Variants in NCOA4 observed in about 807,000 individuals in gnomAD.
The protein encoded by NCOA4 is 70 kDa AR-activator.
NCOA4 carries 31 observed loss-of-function variants against 69.5 expected under a neutral mutation model. The observed-to-expected ratio is 0.45, with a 90% CI of 0.34 to 0.60. The LOEUF is 0.60. NCOA4 is among the 20% of genes least tolerant of loss of function. NCOA4 has a pLI of 0.02. For missense variants in NCOA4, 600 were observed against 719.2 expected (o/e 0.83, Z 1.90); for synonymous variants, 228 against 252.4 (o/e 0.90, Z 0.92).
rs1390125289 is a variant in NCOA4, at chr10:46,009,018, T to C, written c.1839+393A>G. The C allele has an allele frequency of 1.0e-4, 67 of 656,418 alleles. No individual in the cohort carries two copies. In the South Asian group the frequency reaches 1.2e-3, roughly 12 times the overall value. The allele number at this position is 656,418 out of a possible 1,614,324, so 40.7% of individuals were successfully genotyped here. A position where few individuals can be genotyped will look rare whatever the true frequency, so the allele number is the denominator to read the frequency against. ...CATAATGTTATTGCAGACTTAACTA[T>C]AGTGTATTATATACAACTTTTATAT... is the stretch of plus-strand genomic sequence containing the variant. On this transcript the variant is annotated intron_variant, in intron 9 of 9. Transcript: ENST00000581486.
intron 1 of NCOA4, among the ~76,000 whole-genome samples, chr10:46,024,928 A>G (rs1564929301): frequency 1.3e-5 from 2 of 152,180 alleles, no homozygotes; most frequent in Non-Finnish European, 2.9e-5. Flanking sequence ...GGTTCTCCAG[A>G]GAGATGGAAC....
intron 9 of NCOA4, among the ~76,000 whole-genome samples, chr10:46,007,347 T>A (rs1361287014): frequency 6.6e-6 from 1 of 152,070 alleles, no homozygotes; most frequent in Non-Finnish European, 1.5e-5. Context: ...TTCATGAGGT[T>A]TAAGGAAAGA....
chr10:46,022,469 T>G (rs782132890), intron 1 of NCOA4: 43 of 422,264 alleles, frequency 1.0e-4, no homozygotes, highest in Middle Eastern at 4.5e-4. Context: ...TGGTTTTGGG[T>G]TTTTTTTTTG....
intron 1 of NCOA4, chr10:46,027,557 C>A (rs1193545473): frequency 2.2e-5 from 31 of 1,378,314 alleles, no homozygotes; most frequent in Non-Finnish European, 3.0e-5. Context: ...AAGATGAAAA[C>A]CTTGGATGAA....
intron 1 of NCOA4, among the ~76,000 whole-genome samples, chr10:46,025,773 T>C (rs1840128845): frequency 6.6e-6 from 1 of 152,240 alleles, no homozygotes; most frequent in Non-Finnish European, 1.5e-5. Context: ...GTAATCTGTA[T>C]GGGTTTCCGG....
chr10:46,027,835 C>T lies in NCOA4; in HGVS notation c.-15+2691G>A, dbSNP rs1054125049. 2.6e-5 allele frequency among the ~76,000 whole-genome samples: 4 copies of T among 152,308 alleles called. No homozygotes were observed. In the East Asian group the frequency reaches 7.7e-4, roughly 29 times the overall value. On this transcript the variant is annotated intron_variant, in intron 1 of 9. Coordinates refer to ENST00000581486, the MANE Select transcript of NCOA4 (RefSeq NM_001145263.2). The stretch of plus-strand genomic sequence containing the variant: ...CTAAAGAGTGACAAATCTTCATTTT[C>T]TGAGGCTAGGTATACTTTCTTGGAA...
At chr10:46,022,572 T>G (rs935501420) in intron 1 of NCOA4, 1 of 404,698 alleles carries the variant, frequency 2.5e-6, no homozygotes, top group African/African-American at 2.1e-5. Flanking sequence ...ACCATTCTCC[T>G]GTCTCAGCCT....
rs1354034327 is a variant in NCOA4 at position 46,005,331 on chromosome 10, ATACAAAGCTC to A, written c.*1251_*1260del. ...TATCTGGGGAGGGAATTAAAAAATA[ATACAAAGCTC>A]TTTTCAGCTGTGGTTCAAAGAACTC... On this transcript the variant is annotated 3_prime_UTR_variant, in exon 10 of 10. Coordinates refer to ENST00000581486, the MANE Select transcript of NCOA4 (RefSeq NM_001145263.2). The A allele has an allele frequency of 1.4e-5, 3 of 214,192 alleles. No individual in the cohort carries two copies. In the Admixed American group the frequency reaches 1.8e-4, roughly 13 times the overall value. The allele number at this position is 214,192 out of a possible 1,614,324, so 13.3% of individuals were successfully genotyped here.
intron 2 of NCOA4, 82 bp from the exon 3 acceptor site, chr10:46,015,348 T>G: frequency 1.2e-5 from 11 of 897,944 alleles, no homozygotes; most frequent in Non-Finnish European, 1.6e-5. Context: ...TTCTAAAACT[T>G]TTTTTGGGGG....
chr10:46,010,087 G>A (rs1168496163), intron 8 of NCOA4, 136 bp downstream of exon 8: 7 of 1,111,180 alleles, frequency 6.3e-6, no homozygotes, highest in African/African-American at 3.2e-5. Context: ...GGGATGGCTG[G>A]AGCCTCGGAA....
At chr10:46,015,091 T>A (rs1284535485) in intron 3 of NCOA4, 35 bp downstream of exon 3, 1 of 1,613,810 alleles carries the variant, frequency 6.2e-7, no homozygotes, top group Non-Finnish European at 8.5e-7. Context: ...CCAGAAGCCA[T>A]GCTCAAACCA....
Position 46,005,276 on chromosome 10 carries a change from C to T in NCOA4, c.*1316G>A, listed in dbSNP as rs1331146934. ...GAAAGGCTCCTTACATTGTTTTTGCCCACCACCTTTATATAATACTCCTAA... is the reference window on the plus strand; with the variant it reads ...GAAAGGCTCCTTACATTGTTTTTGCTCACCACCTTTATATAATACTCCTAA... On this transcript the variant is annotated 3_prime_UTR_variant, in exon 10 of 10. Transcript: ENST00000581486. 1.4e-5 allele frequency: 3 copies of T among 214,320 alleles called. No homozygotes were observed. Among genetic ancestry groups the T allele is most frequent in the Non-Finnish European group, 2.8e-5 (3 of 105,994 alleles). 13.3% of individuals were successfully genotyped at this position (214,320 alleles called of 1,614,324 possible). A position where few individuals can be genotyped will look rare whatever the true frequency, so the allele number is the denominator to read the frequency against.
At chr10:46,027,449 G>T in intron 1 of NCOA4, 4 of 1,551,522 alleles carry the variant, frequency 2.6e-6, no homozygotes, top group Non-Finnish European at 3.5e-6. Flanking sequence ...AGCAAAAGTG[G>T]TCAACTGGGC....
At chr10:46,007,816 T>G (rs556924254) in intron 9 of NCOA4, among the ~76,000 whole-genome samples, 4 of 152,036 alleles carry the variant, frequency 2.6e-5, no homozygotes, top group Non-Finnish European at 5.9e-5. Context: ...GTTAAACTCC[T>G]TGGCTCAAGC....
intron 9 of NCOA4, among the ~76,000 whole-genome samples, chr10:46,007,185 A>T (rs73314067): frequency 0.023 from 3,465 of 152,312 alleles, 124 homozygotes; most frequent in African/African-American, 0.079. Flanking sequence ...ATATGGAGAA[A>T]GTTTTAGTGG....
chr10:46,025,730 A>G (rs1337753182), intron 1 of NCOA4, among the ~76,000 whole-genome samples: 1 of 152,216 alleles, frequency 6.6e-6, no homozygotes, highest in African/African-American at 2.4e-5. Context: ...CTTTTGGCCA[A>G]TAGAGTTGGC....
At chr10:46,007,579 C>CCCTTTTTTTTTTTTTTTTTTTT (rs1838911042) in intron 9 of NCOA4, among the ~76,000 whole-genome samples, 1 of 125,674 alleles carries the variant, frequency 8.0e-6, no homozygotes. Context: ...CAGCCAGTGA[C>CCCTTTTTTTTTTTTTTTTTTTT]TCTTTTTTTT....
chr10:46,006,241 G>A lies in NCOA4; in HGVS notation c.*351C>T, dbSNP rs11548236. 12 of 327,606 alleles carry A rather than the reference G, an allele frequency of 3.7e-5. No homozygotes were observed. In the South Asian group the frequency reaches 7.7e-4, roughly 21 times the overall value. The allele number at this position is 327,606 out of a possible 1,614,324, so 20.3% of individuals were successfully genotyped here. Reference sequence around the variant, plus strand: ...GCTTTAGAATACATCAATATACTTCGATAAACAAGAGTGTTTTAATGTACT... The same window carrying A: ...GCTTTAGAATACATCAATATACTTCAATAAACAAGAGTGTTTTAATGTACT... On this transcript the variant is annotated 3_prime_UTR_variant, in exon 10 of 10. Coordinates refer to ENST00000581486, the MANE Select transcript of NCOA4 (RefSeq NM_001145263.2).
At chr10:46,009,210 T>C (rs782781456) in intron 9 of NCOA4, 4 of 1,549,690 alleles carry the variant, frequency 2.6e-6, no homozygotes, top group Admixed American at 3.9e-5. Flanking sequence ...TTTTGAAGTA[T>C]GCCTAGTTAG....
Sources: gnomAD v4.1 joint callset for allele counts (sites outside exome capture counted in the v4.1 genomes callset) on GRCh38, gnomAD v4.1.1 for gene constraint, MANE v1.5 for transcripts, NCBI Gene and HGNC (gene_info 2026-07-23, HGNC 2026-07-21) for gene names.